Variants in JAZF1 observed in about 807,000 individuals in gnomAD.
The protein encoded by JAZF1 is juxtaposed with another zinc finger protein 1.
In JAZF1, 8 loss-of-function variants were observed where a neutral mutation model predicts 26.4. The observed-to-expected ratio is 0.30, with a 90% confidence interval of 0.18 to 0.55. The LOEUF (loss-of-function observed/expected upper bound fraction) is 0.55, where lower values mean the gene tolerates loss of function less well. JAZF1 is among the 20% of genes least tolerant of loss of function. The probability of loss-of-function intolerance (pLI) is 0.94; values close to 1 mark genes in which losing one functional copy is unlikely to be tolerated. For missense variants in JAZF1, 199 were observed against 322.0 expected, an observed-to-expected ratio of 0.62 and a Z score of 2.92; for synonymous variants, 126 against 122.3, an observed-to-expected ratio of 1.03 and a Z score of -0.20.
chr7:28,174,955 C>A, intron 1 of JAZF1, among the ~76,000 whole-genome samples: 1 of 73,522 alleles, frequency 1.4e-5, no homozygotes, highest in Non-Finnish European at 4.8e-5. Flanking sequence ...AGGCAGAGAG[C>A]AGGGCAGGCA....
intron 3 of JAZF1, among the ~76,000 whole-genome samples, chr7:27,862,027 G>A (rs1783390921): frequency 6.6e-6 from 1 of 152,152 alleles, no homozygotes; most frequent in African/African-American, 2.4e-5. Flanking sequence ...GCTCTGTCAC[G>A]GGAGGGATGG....
At chr7:27,856,246 G>A (rs1361476926) in intron 3 of JAZF1, among the ~76,000 whole-genome samples, 6 of 152,312 alleles carry the variant, frequency 3.9e-5, no homozygotes, top group Non-Finnish European at 8.8e-5. Context: ...CCTTCGCGGT[G>A]AGCGTTACAG....
chr7:27,833,018 A>T, intron 4 of JAZF1, 42 bp from the exon 5 acceptor site: 1 of 1,469,826 alleles, frequency 6.8e-7, no homozygotes, highest in South Asian at 1.4e-5. Context: ...GATTCACAGG[A>T]TACCTGTCAA....
chr7:27,868,526 C>A (rs1464842057), intron 3 of JAZF1, among the ~76,000 whole-genome samples: 1 of 152,216 alleles, frequency 6.6e-6, no homozygotes, highest in Non-Finnish European at 1.5e-5. Context: ...GGTCGGCTCC[C>A]CAGCTGCCCT....
At chr7:28,132,013 T>C (rs1782802390) in intron 1 of JAZF1, among the ~76,000 whole-genome samples, 1 of 152,228 alleles carries the variant, frequency 6.6e-6, no homozygotes, top group African/African-American at 2.4e-5. Flanking sequence ...AAATACTCTT[T>C]GATCCTACTA....
At chr7:27,984,952 C>T (rs924141918) in intron 2 of JAZF1, among the ~76,000 whole-genome samples, 1 of 152,168 alleles carries the variant, frequency 6.6e-6, no homozygotes, top group African/African-American at 2.4e-5. Context: ...ACATTTAAAG[C>T]AGTGTTTAGG....
chr7:27,943,917 G>GT (rs1344586068), intron 2 of JAZF1, among the ~76,000 whole-genome samples: 14 of 152,144 alleles, frequency 9.2e-5, no homozygotes, highest in Admixed American at 9.2e-4. Flanking sequence ...AAGCCTTGTG[G>GT]GTTTAAGTCT....
At chr7:28,170,224 AT>A (rs1306682361) in intron 1 of JAZF1, among the ~76,000 whole-genome samples, 2 of 152,154 alleles carry the variant, frequency 1.3e-5, no homozygotes, top group African/African-American at 4.8e-5. Context: ...AAAGTTCAAG[AT>A]CAGCCTGGGC....
rs553993692 is a variant in JAZF1, at chr7:28,071,190, G to A, written c.116-79209C>T. 2.0e-5 allele frequency among the ~76,000 whole-genome samples: 3 copies of A among 152,316 alleles called. No homozygotes were observed. The South Asian group carries it at 6.2e-4, about 32-fold the overall frequency. On this transcript the variant is annotated intron_variant, in intron 1 of 4. Transcript: ENST00000283928. The stretch of plus-strand genomic sequence containing the variant: ...GTGTGATACAAAGATCCAACTAGGT[G>A]TAGCCGGAAGCCAGTGCACAGGGAG...
intron 1 of JAZF1, among the ~76,000 whole-genome samples, chr7:28,098,851 G>A (rs969326034): frequency 2.0e-5 from 3 of 152,234 alleles, no homozygotes; most frequent in African/African-American, 7.2e-5. Flanking sequence ...ACAGAACTAT[G>A]ACCATCCTCC....
chr7:27,901,309 A>T (rs887207173), intron 2 of JAZF1, among the ~76,000 whole-genome samples: 1 of 152,238 alleles, frequency 6.6e-6, no homozygotes, highest in Non-Finnish European at 1.5e-5. Context: ...GTAAATTTTC[A>T]AGACTCCATT....
At chr7:28,024,306 CAAAG>C (rs935506478) in intron 1 of JAZF1, among the ~76,000 whole-genome samples, 6 of 150,150 alleles carry the variant, frequency 4.0e-5, no homozygotes, top group South Asian at 2.1e-4. Flanking sequence ...AAAAGAAAAA[CAAAG>C]AGAGAGAGAG....
intron 2 of JAZF1, among the ~76,000 whole-genome samples, chr7:27,971,127 TAC>T (rs958312859): frequency 2.0e-5 from 3 of 152,218 alleles, no homozygotes; most frequent in African/African-American, 7.2e-5. Context: ...CTAATTTCAA[TAC>T]AGTTTATTTT....
At chr7:27,932,217 G>A (rs911880325) in intron 2 of JAZF1, among the ~76,000 whole-genome samples, 9 of 152,174 alleles carry the variant, frequency 5.9e-5, no homozygotes, top group African/African-American at 1.9e-4. Flanking sequence ...TAGGACTAAC[G>A]CAGTAAGTTA....
intron 1 of JAZF1, among the ~76,000 whole-genome samples, chr7:28,048,969 T>TCC (rs1783541603): frequency 7.2e-6 from 1 of 138,910 alleles, no homozygotes; most frequent in Admixed American, 7.1e-5. Flanking sequence ...ACCTTTTCTT[T>TCC]CTCCCTTCCC....
In JAZF1 at chr7:28,091,692, C is replaced by G. The variant is rs183837920; in HGVS notation, c.115+88771G>C. On this transcript the variant is annotated intron_variant, in intron 1 of 4. Transcript: ENST00000283928. ...CATGCAGAGAGAGAGAGAGAGAGAT[C>G]AAAGGAAAATCTGTTTAATGTAAAC... Among the ~76,000 whole-genome samples the G allele has an allele frequency of 7.3e-5, 11 of 150,114 alleles. No homozygotes were observed. In the East Asian group the frequency reaches 2.2e-3, roughly 30 times the overall value.
At chr7:28,158,162 CACACAA>C (rs1783219296) in intron 1 of JAZF1, among the ~76,000 whole-genome samples, 1 of 82,282 alleles carries the variant, frequency 1.2e-5, no homozygotes, top group East Asian at 4.4e-4. Flanking sequence ...CACACACACA[CACACAA>C]ACACACACAC....
rs1381873660 is a variant in JAZF1 at position 27,832,941 on chromosome 7, A to G, written c.591T>C (p.Gly197=). The part of the protein sequence containing the change: ...VNGIKYHAKN[G]HRTQIRVRKP... Reference sequence around the variant, plus strand: ...TGCGGACACGAATCTGTGTTCTGTGACCATTCTTAGCGTGATACTTTATGC... The same window carrying G: ...TGCGGACACGAATCTGTGTTCTGTGGCCATTCTTAGCGTGATACTTTATGC... The change falls in exon 5 of 5, where the codon GGT becomes GGC. Residue 197 remains glycine (G), a synonymous_variant. Coordinates refer to ENST00000283928, the MANE Select transcript of JAZF1 (RefSeq NM_175061.4). 1 of 1,609,860 alleles carries G rather than the reference A, an allele frequency of 6.2e-7. No individual in the cohort carries two copies. Among genetic ancestry groups the G allele is most frequent in the South Asian group, 1.1e-5 (1 of 90,536 alleles).
At chr7:27,900,157 A>G (rs1250526225) in intron 2 of JAZF1, among the ~76,000 whole-genome samples, 1 of 152,156 alleles carries the variant, frequency 6.6e-6, no homozygotes, top group Non-Finnish European at 1.5e-5. Flanking sequence ...CTGCTTTGCA[A>G]TGGTGACACT....
Sources: allele counts gnomAD v4.1 joint callset (sites outside exome capture counted in the v4.1 genomes callset), GRCh38; gene constraint gnomAD v4.1.1; transcripts MANE v1.5; gene names NCBI Gene and HGNC (gene_info 2026-07-23, HGNC 2026-07-21).